The following SETD5 variants were observed in gnomAD, a reference collection of about 807,000 sequenced individuals.
SETD5 encodes SET domain containing 5.
Under a neutral mutation model 153.3 loss-of-function variants are expected in SETD5, and 44 were observed. The observed-to-expected ratio is 0.29, with a 90% CI of 0.23 to 0.37. The LOEUF is 0.37. Among genes scored for constraint, SETD5 ranks in the 10% least tolerant of loss-of-function variants. The pLI is 1.00. For missense variants in SETD5, 1,544 were observed against 1,768.0 expected, an observed-to-expected ratio of 0.87 and a Z score of 2.27; for synonymous variants, 716 against 645.2, an observed-to-expected ratio of 1.11 and a Z score of -1.66.
At chr3:9,466,942 T>A (rs2044651989) in intron 18 of SETD5, among the ~76,000 whole-genome samples, 1 of 152,064 alleles carries the variant, frequency 6.6e-6, no homozygotes, top group South Asian at 2.1e-4. Flanking sequence ...AGCAGGAAGA[T>A]CACTTAAGAC....
rs1216425365 is a variant in SETD5, at chr3:9,448,641, G to GT, written c.2346+16dup. 6.5e-7 allele frequency: 1 copy of GT among 1,543,684 alleles called. No homozygotes were observed. Among genetic ancestry groups the GT allele is most frequent in the Non-Finnish European group, 8.7e-7 (1 of 1,144,016 alleles). On this transcript the variant is annotated intron_variant, in intron 16 of 22. Coordinates refer to ENST00000402198, the MANE Select transcript of SETD5 (RefSeq NM_001080517.3). ...AGCTCCTGTAAGAAGGTATGTCTGT[G>GT]TTTTTGTGTGTGTGTTGTGTTTATG...
intron 1 of SETD5, among the ~76,000 whole-genome samples, chr3:9,418,803 CAA>C (rs111449253): frequency 3.7e-5 from 5 of 136,334 alleles, no homozygotes; most frequent in Admixed American, 7.3e-5. Context: ...AACTCCGTCT[CAA>C]AAAAAAAAAA....
In SETD5 at chr3:9,448,053, T is replaced by A. The variant is rs142129724; in HGVS notation, c.2103+47T>A. On this transcript the variant is annotated intron_variant, in intron 15 of 22. Coordinates refer to ENST00000402198, the MANE Select transcript of SETD5 (RefSeq NM_001080517.3). ...TATAAGTCCAGTCTGGCAAGGGCTG[T>A]CTTAGTGAAATGAGAGGACCTATAA... The A allele has an allele frequency of 4.1e-3, 6,392 of 1,552,560 alleles. 22 individuals are homozygous for A. Among genetic ancestry groups the A allele is most frequent in the Non-Finnish European group, 4.6e-3 (5,291 of 1,145,196 alleles).
At chr3:9,474,816 T>C (rs764183020) in intron 21 of SETD5, 4 of 633,170 alleles carry the variant, frequency 6.3e-6, no homozygotes, top group Non-Finnish European at 1.1e-5. Flanking sequence ...GTAACTCTCA[T>C]CTCTCCAAAG....
At chr3:9,444,877 A>G (rs184862625) in intron 11 of SETD5, among the ~76,000 whole-genome samples, 171 bp from the exon 12 acceptor site, 3 of 152,314 alleles carry the variant, frequency 2.0e-5, no homozygotes, top group Admixed American at 1.3e-4. Context: ...TTCCGTCTCC[A>G]ATAAAAAGAA....
In SETD5 at chr3:9,475,087, C is replaced by T; in HGVS notation, c.3651C>T (p.Gly1217=). ...TTCCAGACCCTGCAGATGGAGAAGG[C>T]CCAGAGACATTAAGCTCAGCACTCT... is the stretch of plus-strand genomic sequence containing the variant. The part of the protein sequence containing the change: ...EKDSDPADGE[G]PETLSSALSK... Residue 1217 remains glycine, a synonymous_variant, in exon 22 of 23, where the codon GGC becomes GGT. Transcript: ENST00000402198. The T allele has an allele frequency of 6.3e-7, 1 of 1,587,484 alleles. No individual in the cohort carries two copies.
chr3:9,414,180 A>G (rs1342999343), intron 1 of SETD5, among the ~76,000 whole-genome samples: 2 of 152,206 alleles, frequency 1.3e-5, no homozygotes, highest in East Asian at 3.8e-4. Context: ...TTCTAGAAAA[A>G]CAGTCACAAA....
chr3:9,411,572 C>G (rs1463461595), intron 1 of SETD5, among the ~76,000 whole-genome samples: 1 of 152,130 alleles, frequency 6.6e-6, no homozygotes, highest in African/African-American at 2.4e-5. Flanking sequence ...TTGGCTTTGG[C>G]CAAGATGAGT....
At chr3:9,413,213 G>A (rs74319613) in intron 1 of SETD5, among the ~76,000 whole-genome samples, 1 of 152,016 alleles carries the variant, frequency 6.6e-6, no homozygotes, top group East Asian at 1.9e-4. Context: ...AAAAAATAGA[G>A]TAGCCTACAT....
intron 21 of SETD5, 79 bp downstream of exon 21, chr3:9,474,661 G>A (rs896141648): frequency 1.0e-5 from 16 of 1,547,880 alleles, no homozygotes; most frequent in Non-Finnish European, 1.4e-5. Flanking sequence ...CTAGTGCTGA[G>A]TTGAGGTGAG....
rs112573190 is a variant in SETD5, at chr3:9,442,998, C to G, written c.1078-310C>G. ...GAGGTTGCCGTGAGCCGAGATCACG[C>G]CACTCCACTCCAGCCTGAGCGACAG... On this transcript the variant is annotated intron_variant, in intron 10 of 22. Coordinates refer to ENST00000402198, the MANE Select transcript of SETD5 (RefSeq NM_001080517.3). The G allele has an allele frequency of 0.058, 12,732 of 220,186 alleles. 604 individuals carry two copies. Among genetic ancestry groups the G allele is most frequent in the Admixed American group, 0.12 (2,352 of 19,002 alleles). 13.6% of individuals were successfully genotyped at this position (220,186 alleles called of 1,614,324 possible). A position where few individuals can be genotyped will look rare whatever the true frequency, so the allele number is the denominator to read the frequency against.
intron 16 of SETD5, among the ~76,000 whole-genome samples, chr3:9,450,915 AAG>A (rs1436575781): frequency 1.8e-4 from 28 of 152,288 alleles, no homozygotes; most frequent in Middle Eastern, 6.8e-3. Context: ...TTCTGAAAAG[AAG>A]AGGAGTTCAG....
chr3:9,439,681 C>G (rs2041032044), intron 7 of SETD5, among the ~76,000 whole-genome samples: 2 of 152,152 alleles, frequency 1.3e-5, no homozygotes, highest in African/African-American at 4.8e-5. Context: ...TTGTAGTAAT[C>G]TTTTCTCAAT....
chr3:9,478,054 A>T lies in SETD5; in HGVS notation c.*1963A>T, dbSNP rs2125643224. ...AGGGAAGAAGTATCACTTCTTTCTCAAGTGGAGTGTTTACACCTTGCTGTA... is the reference window on the plus strand; with the variant it reads ...AGGGAAGAAGTATCACTTCTTTCTCTAGTGGAGTGTTTACACCTTGCTGTA... On this transcript the variant is annotated 3_prime_UTR_variant, in exon 23 of 23. Transcript: ENST00000402198. The T allele has an allele frequency of 6.5e-6, 1 of 153,070 alleles. No homozygotes were observed. The highest frequency in any genetic ancestry group is 2.1e-4 in the South Asian group (1 of 4,826). 9.5% of individuals were successfully genotyped at this position (153,070 alleles called of 1,614,324 possible).
At chr3:9,447,392 GT>G in intron 14 of SETD5, 85 bp downstream of exon 14, 1 of 1,513,340 alleles carries the variant, frequency 6.6e-7, no homozygotes, top group South Asian at 1.3e-5. Flanking sequence ...TAAAATCAGT[GT>G]TTTCAGCTTT....
At chr3:9,429,407 C>A (rs1575346217) in intron 3 of SETD5, 1 of 171,130 alleles carries the variant, frequency 5.8e-6, no homozygotes, top group African/African-American at 2.4e-5. Flanking sequence ...ATGTACTTCC[C>A]ATTGTTCTAG....
At chr3:9,467,866 A>G (rs923869646) in intron 18 of SETD5, among the ~76,000 whole-genome samples, 1 of 151,980 alleles carries the variant, frequency 6.6e-6, no homozygotes, top group African/African-American at 2.4e-5. Flanking sequence ...CAAAAGTACA[A>G]TGGATTTTAC....
chr3:9,458,141 A>G (rs554545351), intron 17 of SETD5, among the ~76,000 whole-genome samples: 1 of 152,222 alleles, frequency 6.6e-6, no homozygotes, highest in African/African-American at 2.4e-5. Context: ...ATTAGAATCT[A>G]GCTGGACACG....
At position 9,434,270 on chromosome 3, in the gene SETD5, T is replaced by C. The variant is rs770007187; in HGVS notation, c.178-64T>C. ...GACACTGTTGATTTAAAAAATCTTA[T>C]TTTCAGGATCATAATTACGGAGCCC... On this transcript the variant is annotated intron_variant, in intron 4 of 22. Transcript: ENST00000402198. This position sits in a 1 kb window ranked among gnomAD's most constrained non-coding sequence, Gnocchi z 5.6. 3.1e-6 allele frequency: 5 copies of C among 1,603,324 alleles called. No homozygotes were observed. Among genetic ancestry groups the C allele is most frequent in the Non-Finnish European group, 4.3e-6 (5 of 1,171,354 alleles).
Sources: allele counts gnomAD v4.1 joint callset (sites outside exome capture counted in the v4.1 genomes callset), GRCh38; gene constraint gnomAD v4.1.1; non-coding constraint Gnocchi (gnomAD v3.1); transcripts MANE v1.5; gene names NCBI Gene and HGNC (gene_info 2026-07-23, HGNC 2026-07-21).